The following DLG2 variants were observed in gnomAD, a reference collection of about 807,000 sequenced individuals.
DLG2 encodes the protein disks large homolog 2.
A neutral mutation model predicts 132.5 loss-of-function variants in DLG2; 45 were observed. The ratio of observed to expected loss-of-function variants is 0.34; its 90% CI spans 0.27 to 0.44. The LOEUF (loss-of-function observed/expected upper bound fraction) is 0.44. Among genes scored for constraint, DLG2 ranks in the 20% least tolerant of loss-of-function variants. The pLI is 1.00. For missense variants in DLG2, 1,045 were observed against 1,196.9 expected (o/e 0.87, Z 1.87); for synonymous variants, 424 against 419.6 (o/e 1.01, Z -0.13).
intron 15 of DLG2, among the ~76,000 whole-genome samples, chr11:83,898,446 T>G (rs1417976541): frequency 6.6e-6 from 1 of 152,062 alleles, no homozygotes; most frequent in Non-Finnish European, 1.5e-5. Context: ...GATAGAAAAG[T>G]CATAACGACA....
At chr11:85,335,936 A>C (rs2082096048) in intron 3 of DLG2, 1 of 152,184 alleles carries the variant, frequency 6.6e-6, no homozygotes. Flanking sequence ...CCAGAACTTA[A>C]AGTATAATAA....
At chr11:84,860,366 A>C (rs1244077686) in intron 6 of DLG2, among the ~76,000 whole-genome samples, 1 of 152,166 alleles carries the variant, frequency 6.6e-6, no homozygotes, top group East Asian at 1.9e-4. Context: ...GAGAATGTTC[A>C]TTAAGTACTT....
intron 6 of DLG2, among the ~76,000 whole-genome samples, chr11:85,013,060 G>C (rs2059285650): frequency 6.6e-6 from 1 of 152,138 alleles, no homozygotes; most frequent in Non-Finnish European, 1.5e-5. Flanking sequence ...TGCCTTCAGA[G>C]ATAGTATTTA....
chr11:85,347,330 A>G (rs1162169647), intron 3 of DLG2, among the ~76,000 whole-genome samples: 1 of 152,118 alleles, frequency 6.6e-6, no homozygotes, highest in Non-Finnish European at 1.5e-5. Flanking sequence ...GCTTCTTACT[A>G]AAAGAAACAC....
intron 4 of DLG2, among the ~76,000 whole-genome samples, chr11:85,199,964 TC>T (rs1293014781): frequency 6.6e-6 from 1 of 151,840 alleles, no homozygotes; most frequent in African/African-American, 2.4e-5. Flanking sequence ...TTTTAAGTTT[TC>T]CCTGGAGACA....
chr11:85,293,045 G>C (rs900547161), intron 3 of DLG2, among the ~76,000 whole-genome samples: 1 of 151,996 alleles, frequency 6.6e-6, no homozygotes, highest in African/African-American at 2.4e-5. Context: ...ATAGTCATGG[G>C]ATATAACCTT....
chr11:84,247,080 T>C (rs1202615823), intron 8 of DLG2, among the ~76,000 whole-genome samples: 1 of 152,190 alleles, frequency 6.6e-6, no homozygotes, highest in Non-Finnish European at 1.5e-5. Flanking sequence ...AGTGCATTTC[T>C]ATCAAAGAGG....
At chr11:85,004,804 C>G (rs2058509764) in intron 6 of DLG2, among the ~76,000 whole-genome samples, 1 of 152,040 alleles carries the variant, frequency 6.6e-6, no homozygotes, top group South Asian at 2.1e-4. Context: ...TTTGCCCATG[C>G]CTATGTCCTG....
intron 11 of DLG2, among the ~76,000 whole-genome samples, chr11:84,004,098 T>G (rs1408454720): frequency 6.6e-6 from 1 of 151,998 alleles, no homozygotes; most frequent in East Asian, 1.9e-4. Flanking sequence ...CTATGACCAG[T>G]ATTCCCTGAT....
intron 7 of DLG2, among the ~76,000 whole-genome samples, chr11:84,252,187 T>C (rs2154351552): frequency 7.2e-6 from 1 of 138,592 alleles, no homozygotes; most frequent in Admixed American, 7.6e-5. Flanking sequence ...TGTTCCTCTG[T>C]CGCCCATGCT....
intron 7 of DLG2, among the ~76,000 whole-genome samples, chr11:84,470,770 T>C (rs930184620): frequency 6.6e-6 from 1 of 151,816 alleles, no homozygotes; most frequent in Admixed American, 6.6e-5. Context: ...AAAAGGTAGA[T>C]GAGTAACTTT....
rs1226064 is a variant in DLG2 at position 83,762,646 on chromosome 11, T to C, written c.1825+24044A>G. Among the ~76,000 whole-genome samples the C allele has an allele frequency of 7.4e-3, 1,118 of 152,028 alleles. 63 individuals carry two copies. The highest frequency in any genetic ancestry group is 0.068 in the Admixed American group (1,033 of 15,258). On this transcript the variant is annotated intron_variant, in intron 18 of 27. Transcript: ENST00000376104. ...CCCAGGCTGGACTGCAGTGGCATGA[T>C]CTCGGCTCACTGCAAGCTCCGCCTC...
At chr11:83,750,741 T>C (rs115430753) in intron 18 of DLG2, among the ~76,000 whole-genome samples, 2,338 of 152,166 alleles carry the variant, frequency 0.015, 54 homozygotes, top group African/African-American at 0.053. Context: ...TCAAAACATA[T>C]AGAATAAAAA....
intron 8 of DLG2, among the ~76,000 whole-genome samples, chr11:84,167,689 G>A (rs908828956): frequency 6.6e-5 from 10 of 150,820 alleles, no homozygotes; most frequent in East Asian, 1.9e-4. Context: ...TTTTCGAGAC[G>A]GAGTTTCAGT....
At chr11:84,848,024 T>C (rs183072304) in intron 6 of DLG2, among the ~76,000 whole-genome samples, 76 of 152,224 alleles carry the variant, frequency 5.0e-4, no homozygotes, top group Admixed American at 8.5e-4. Flanking sequence ...ACATTGGTCA[T>C]TTTTTATGGA....
intron 9 of DLG2, among the ~76,000 whole-genome samples, chr11:84,154,814 C>A (rs987780979): frequency 6.6e-6 from 1 of 152,154 alleles, no homozygotes; most frequent in East Asian, 1.9e-4. Context: ...CATGCCCCTA[C>A]AAAGGACATG....
chr11:84,624,137 G>C (rs1010183238), intron 6 of DLG2, among the ~76,000 whole-genome samples: 1 of 152,092 alleles, frequency 6.6e-6, no homozygotes, highest in Non-Finnish European at 1.5e-5. Flanking sequence ...GAAGAAATCG[G>C]GAGGTGACAT....
chr11:84,480,985 C>T lies in DLG2; in HGVS notation c.519+53585G>A, dbSNP rs567515250. Among the ~76,000 whole-genome samples the T allele has an allele frequency of 2.6e-5, 4 of 151,984 alleles. No individual in the cohort carries two copies. The South Asian group carries it at 8.3e-4, about 32-fold the overall frequency. ...AACTCCTTACCTCAGGTGGTCTGCCCACCTCGGCCTCCCAAAGTGCTGGGA... is the reference window on the plus strand; with the variant it reads ...AACTCCTTACCTCAGGTGGTCTGCCTACCTCGGCCTCCCAAAGTGCTGGGA... On this transcript the variant is annotated intron_variant, in intron 7 of 27. Coordinates refer to ENST00000376104, the MANE Select transcript of DLG2 (RefSeq NM_001142699.3).
chr11:84,167,996 G>C (rs2095711846), intron 8 of DLG2, among the ~76,000 whole-genome samples: 1 of 152,138 alleles, frequency 6.6e-6, no homozygotes, highest in African/African-American at 2.4e-5. Context: ...ATATCTCTGT[G>C]TCACATATTA....
Sources: allele counts gnomAD v4.1 joint callset (sites outside exome capture counted in the v4.1 genomes callset), GRCh38; gene constraint gnomAD v4.1.1; transcripts MANE v1.5; gene names NCBI Gene and HGNC (gene_info 2026-07-23, HGNC 2026-07-21).